Variants in PEAK1 observed in about 807,000 individuals in gnomAD.
PEAK1 encodes the protein inactive tyrosine-protein kinase PEAK1.
In PEAK1, 54 loss-of-function variants were observed where a neutral mutation model predicts 124.7. That is an observed-to-expected ratio of 0.43 (90% CI 0.35 to 0.54). The LOEUF is 0.54. Ranked by LOEUF, PEAK1 falls within the 20% of genes least tolerant of loss-of-function variation. PEAK1 has a pLI of 0.01. For missense variants in PEAK1, 2,046 were observed against 2,134.5 expected (o/e 0.96, Z 0.82); for synonymous variants, 719 against 760.0 (o/e 0.95, Z 0.89).
At position 77,181,558 on chromosome 15, in the gene PEAK1, ATCATCT is replaced by A; in HGVS notation, c.363_368del (p.Glu121_Asp122del). On this transcript the variant is annotated inframe_deletion, in exon 7 of 10. Coordinates refer to ENST00000682557, the MANE Select transcript of PEAK1 (RefSeq NM_001385026.1). Reference sequence around the variant, plus strand: ...GCTTAGGAACATGGCTAATTCCTTCATCATCTTCATTATTATTGTTAAGTGGTTTCT... The same window carrying A: ...GCTTAGGAACATGGCTAATTCCTTCATCATTATTATTGTTAAGTGGTTTCT... 1 of 1,614,006 alleles carries A rather than the reference ATCATCT, an allele frequency of 6.2e-7. No individual in the cohort carries two copies. The highest frequency in any genetic ancestry group is 8.5e-7 in the Non-Finnish European group (1 of 1,179,982).
At chr15:77,334,156 T>C in intron 2 of PEAK1, 1 of 955,822 alleles carries the variant, frequency 1.0e-6, no homozygotes, top group Non-Finnish European at 1.2e-6. Context: ...CCATTGTAGT[T>C]TCCAACTAGG....
intron 6 of PEAK1, among the ~76,000 whole-genome samples, chr15:77,215,878 G>A (rs1468315656): frequency 6.6e-6 from 1 of 151,040 alleles, no homozygotes; most frequent in Non-Finnish European, 1.5e-5. Context: ...TTTGTTACCT[G>A]TAGATTTATG....
chr15:77,363,071 G>T (rs946871351), intron 2 of PEAK1, among the ~76,000 whole-genome samples: 3 of 152,082 alleles, frequency 2.0e-5, no homozygotes, highest in African/African-American at 7.2e-5. Context: ...GGCCGGGCTG[G>T]TCTCGAACTC....
chr15:77,272,282 TCAAA>T (rs751238752), intron 5 of PEAK1, among the ~76,000 whole-genome samples: 14 of 151,930 alleles, frequency 9.2e-5, no homozygotes, highest in Non-Finnish European at 1.6e-4. Flanking sequence ...TAAATGAAAT[TCAAA>T]CAAACAAAAA....
At chr15:77,182,159 G>A in intron 6 of PEAK1, 119 bp from the exon 7 acceptor site, 14 of 927,158 alleles carry the variant, frequency 1.5e-5, no homozygotes, top group Non-Finnish European at 2.0e-5. Flanking sequence ...TTAAAAGACT[G>A]AGAGCTAAAC....
chr15:77,389,997 T>C (rs2070314328), intron 1 of PEAK1, among the ~76,000 whole-genome samples: 1 of 152,242 alleles, frequency 6.6e-6, no homozygotes, highest in Admixed American at 6.5e-5. Context: ...TGCCACGTAC[T>C]ATGTTAAGTG....
chr15:77,418,658 T>C (rs1291859175), intron 1 of PEAK1: 1 of 985,336 alleles, frequency 1.0e-6, no homozygotes, highest in East Asian at 1.1e-4. Context: ...TGAATTGAGC[T>C]ATCTAGAAAT....
intron 6 of PEAK1, among the ~76,000 whole-genome samples, chr15:77,189,370 T>C (rs1191631797): frequency 6.6e-6 from 1 of 152,082 alleles, no homozygotes; most frequent in Non-Finnish European, 1.5e-5. Context: ...CATGCATAAA[T>C]GGTATAGCTT....
chr15:77,222,426 A>ATG (rs1482680393), intron 6 of PEAK1, among the ~76,000 whole-genome samples: 2 of 152,026 alleles, frequency 1.3e-5, no homozygotes, highest in Non-Finnish European at 2.9e-5. Flanking sequence ...TTTCATATAT[A>ATG]TTACTGCTAA....
chr15:77,375,262 CTGATG>C (rs1192226352), intron 1 of PEAK1, among the ~76,000 whole-genome samples: 2 of 152,142 alleles, frequency 1.3e-5, no homozygotes, highest in Non-Finnish European at 2.9e-5. Context: ...CCCTACCTTA[CTGATG>C]ATGAGTTAGT....
chr15:77,303,420 T>G (rs1438466231), intron 2 of PEAK1, among the ~76,000 whole-genome samples: 1 of 152,250 alleles, frequency 6.6e-6, no homozygotes, highest in Non-Finnish European at 1.5e-5. Context: ...CACCAGAATT[T>G]GGTCAGTGTT....
At position 77,401,905 on chromosome 15, in the gene PEAK1, A is replaced by G. The variant is rs988595653; in HGVS notation, c.-666+18101T>C. The G allele has an allele frequency of 3.3e-5, 33 of 985,216 alleles. 1 individual carries two copies. The highest frequency in any genetic ancestry group is 1.2e-4 in the Admixed American group (2 of 16,276). The allele number at this position is 985,216 out of a possible 1,614,324, so 61.0% of individuals were successfully genotyped here. A position where few individuals can be genotyped will look rare whatever the true frequency, so the allele number is the denominator to read the frequency against. On this transcript the variant is annotated intron_variant, in intron 1 of 9. Transcript: ENST00000682557. ...AGCAAGATACAGAAGTAGCAAGACT[A>G]AAGAAAAGGAGGGCCAGGCGCAGTG... is the stretch of plus-strand genomic sequence containing the variant.
At chr15:77,213,897 C>T (rs1172113432) in intron 6 of PEAK1, among the ~76,000 whole-genome samples, 4 of 152,154 alleles carry the variant, frequency 2.6e-5, no homozygotes, top group Admixed American at 1.3e-4. Flanking sequence ...AATTCCCTCA[C>T]TCAAAAAGTG....
intron 2 of PEAK1, among the ~76,000 whole-genome samples, chr15:77,358,161 TCTC>T (rs2067643139): frequency 6.6e-6 from 1 of 152,146 alleles, no homozygotes; most frequent in African/African-American, 2.4e-5. Context: ...GTTCTATTAT[TCTC>T]CTCTCTCTCT....
At chr15:77,323,192 A>C (rs935006564) in intron 2 of PEAK1, among the ~76,000 whole-genome samples, 24 of 152,194 alleles carry the variant, frequency 1.6e-4, no homozygotes, top group African/African-American at 5.6e-4. Context: ...AATGGGCAAA[A>C]ACTGGAAGCG....
intron 7 of PEAK1, among the ~76,000 whole-genome samples, chr15:77,170,417 T>G (rs964718793): frequency 1.3e-5 from 2 of 152,212 alleles, no homozygotes; most frequent in Admixed American, 1.3e-4. Flanking sequence ...CCAGAATAAC[T>G]AGAGGTTCAT....
Position 77,143,419 on chromosome 15 carries a change from C to T in PEAK1, c.3332-9669G>A, listed in dbSNP as rs112835344. Reference sequence around the variant, plus strand: ...CACTAGAGAGATGTTTTTCAAACGCCAAAGCATTTCATGACACTTCTCTGC... The same window carrying T: ...CACTAGAGAGATGTTTTTCAAACGCTAAAGCATTTCATGACACTTCTCTGC... On this transcript the variant is annotated intron_variant, in intron 8 of 9. Coordinates refer to ENST00000682557, the MANE Select transcript of PEAK1 (RefSeq NM_001385026.1). Among the ~76,000 whole-genome samples the T allele has an allele frequency of 6.4e-4, 97 of 152,240 alleles. 2 individuals carry two copies. Among genetic ancestry groups the T allele is most frequent in the African/African-American group, 2.3e-3 (94 of 41,536 alleles).
chr15:77,242,788 C>T (rs1403950344), intron 6 of PEAK1, among the ~76,000 whole-genome samples: 2 of 152,136 alleles, frequency 1.3e-5, no homozygotes, highest in African/African-American at 4.8e-5. Flanking sequence ...TCCTCAAAAT[C>T]CATGTATGCT....
intron 7 of PEAK1, among the ~76,000 whole-genome samples, chr15:77,160,592 C>T (rs895815824): frequency 3.9e-5 from 6 of 152,100 alleles, no homozygotes; most frequent in African/African-American, 1.4e-4. Flanking sequence ...AGGAGAATCT[C>T]TTGAACCTGG....
Sources: gnomAD v4.1 joint callset for allele counts (sites outside exome capture counted in the v4.1 genomes callset) on GRCh38, gnomAD v4.1.1 for gene constraint, MANE v1.5 for transcripts, NCBI Gene and HGNC (gene_info 2026-07-23, HGNC 2026-07-21) for gene names.